The following MYH16 variants were observed in gnomAD, a reference collection of about 807,000 sequenced individuals.
MYH16 encodes myosin heavy chain 16.
chr7:99,242,466 T>C (rs893156847), intron 1 of MYH16, among the ~76,000 whole-genome samples: 5 of 151,638 alleles, frequency 3.3e-5, no homozygotes, highest in African/African-American at 1.2e-4. Flanking sequence ...CAAGACCTTG[T>C]CTCTAGAAAA....
chr7:99,304,815 A>C (rs1792656969), intron 40 of MYH16, 59 bp downstream of exon 21: 1 of 152,568 alleles, frequency 6.6e-6, no homozygotes, highest in Non-Finnish European at 1.5e-5. Flanking sequence ...GGCGGGGGGT[A>C]TGTGTGTGAG....
chr7:99,297,308 C>T (rs1017817637), intron 34 of MYH16, among the ~76,000 whole-genome samples: 3 of 152,014 alleles, frequency 2.0e-5, no homozygotes, highest in African/African-American at 7.3e-5. Context: ...TGGCGGGCGC[C>T]TGTAGTCCCA....
chr7:99,259,985 G>C (rs561908822), intron 11 of MYH16, among the ~76,000 whole-genome samples: 1 of 152,028 alleles, frequency 6.6e-6, no homozygotes, highest in South Asian at 2.1e-4. Context: ...GTAGGGGAGG[G>C]AACAGAGAGC....
At chr7:99,287,684 T>C in intron 28 of MYH16, 1 of 347,394 alleles carries the variant, frequency 2.9e-6, no homozygotes, top group African/African-American at 2.1e-5. Context: ...GAGTATATCT[T>C]TTTGGAGGGC....
intron 8 of MYH16, among the ~76,000 whole-genome samples, chr7:99,254,508 CA>C (rs1791850512): frequency 6.6e-6 from 1 of 152,216 alleles, no homozygotes; most frequent in Non-Finnish European, 1.5e-5. Context: ...AGACCATGAT[CA>C]GCTCTGCCAG....
chr7:99,285,889 GGGAGACAAATCA>G (rs1792270324), intron 27 of MYH16, among the ~76,000 whole-genome samples: 1 of 152,238 alleles, frequency 6.6e-6, no homozygotes, highest in Non-Finnish European at 1.5e-5. Context: ...GAAAGCTGGT[GGGAGACAAATCA>G]CAGCGTACCT....
At chr7:99,274,669 CTTTTTTTT>C in intron 20 of MYH16, among the ~76,000 whole-genome samples, 1 of 117,568 alleles carries the variant, frequency 8.5e-6, no homozygotes, top group Non-Finnish European at 1.6e-5. Flanking sequence ...CATTAATTCA[CTTTTTTTT>C]TTTTTTTTTT....
At chr7:99,296,634 G>T (rs560561249) in intron 33 of MYH16, 67 bp from the exon 15 acceptor site, 9 of 442,302 alleles carry the variant, frequency 2.0e-5, no homozygotes, top group Non-Finnish European at 3.7e-5. Context: ...AGGTTGGTGG[G>T]GGGGTGGGAG....
chr7:99,271,411 A>C (rs1792044470), intron 19 of MYH16, among the ~76,000 whole-genome samples: 1 of 152,172 alleles, frequency 6.6e-6, no homozygotes, highest in African/African-American at 2.4e-5. Context: ...GGGGAGGTTG[A>C]GGCAGGAGAA....
intron 18 of MYH16, among the ~76,000 whole-genome samples, chr7:99,268,935 GTCCCA>G (rs1346816550): frequency 6.6e-6 from 1 of 152,080 alleles, no homozygotes; most frequent in Non-Finnish European, 1.5e-5. Flanking sequence ...CAGCTCAGAG[GTCCCA>G]GGGGCCCTGC....
intron 26 of MYH16, 144 bp from the exon 9 acceptor site, chr7:99,285,238 C>T: frequency 5.1e-6 from 2 of 391,388 alleles, no homozygotes; most frequent in South Asian, 3.8e-5. Context: ...CACCTTTGCA[C>T]TTGCTCTCTG....
intron 23 of MYH16, 101 bp downstream of exon 5, chr7:99,281,081 C>T (rs563152642): frequency 2.0e-5 from 4 of 199,454 alleles, no homozygotes; most frequent in South Asian, 5.4e-5. Context: ...CTGGCCCTGC[C>T]GCCCCCTCAG....
intron 40 of MYH16, 60 bp from the exon 22 acceptor site, chr7:99,305,776 G>GA (rs1792669590): frequency 6.5e-6 from 1 of 152,764 alleles, no homozygotes; most frequent in Admixed American, 6.6e-5. Flanking sequence ...GACCCTGTCA[G>GA]AAAAACAAAA....
chr7:99,249,385 A>C (rs1791780406), intron 4 of MYH16, among the ~76,000 whole-genome samples: 1 of 151,398 alleles, frequency 6.6e-6, no homozygotes, highest in Non-Finnish European at 1.5e-5. Flanking sequence ...CATCTCTACA[A>C]AAAATTAGCC....
intron 22 of MYH16, among the ~76,000 whole-genome samples, chr7:99,280,164 T>C (rs1486532352): frequency 6.6e-6 from 1 of 152,166 alleles, no homozygotes; most frequent in Non-Finnish European, 1.5e-5. Context: ...TGGGCCACCA[T>C]ACCCAGCCCA....
At chr7:99,252,177 T>C (rs748749170) in intron 6 of MYH16, among the ~76,000 whole-genome samples, 25 of 152,128 alleles carry the variant, frequency 1.6e-4, no homozygotes, top group Non-Finnish European at 3.5e-4. Flanking sequence ...CCTAGGGTCC[T>C]AGTGGGTTCT....
intron 25 of MYH16, among the ~76,000 whole-genome samples, chr7:99,284,518 G>A (rs1311652552): frequency 6.6e-6 from 1 of 152,174 alleles, no homozygotes; most frequent in Non-Finnish European, 1.5e-5. Flanking sequence ...AAGCCCAGGA[G>A]GTCAAGGCTG....
intron 27 of MYH16, among the ~76,000 whole-genome samples, chr7:99,286,125 T>C (rs1792273720): frequency 6.6e-6 from 1 of 152,224 alleles, no homozygotes; most frequent in Non-Finnish European, 1.5e-5. Context: ...ATCGGTATCA[T>C]TAAATCTCAT....
At chr7:99,290,522 G>A (rs1233538868) in intron 30 of MYH16, among the ~76,000 whole-genome samples, 6 of 148,922 alleles carry the variant, frequency 4.0e-5, no homozygotes. Context: ...ATATCCAGCC[G>A]TGTGCAGTGG....
Sources: allele counts gnomAD v4.1 joint callset (sites outside exome capture counted in the v4.1 genomes callset), GRCh38; gene constraint gnomAD v4.1.1; transcripts MANE v1.5; gene names NCBI Gene and HGNC (gene_info 2026-07-23, HGNC 2026-07-21).